Variants in BICC1 observed in about 807,000 individuals in gnomAD.
BICC1 encodes protein bicaudal C homolog 1.
A neutral mutation model predicts 111.0 loss-of-function variants in BICC1; 43 were observed. That is an observed-to-expected ratio of 0.39 (90% confidence interval 0.30 to 0.50). The LOEUF (loss-of-function observed/expected upper bound fraction) is 0.50. BICC1 is among the 20% of genes least tolerant of loss of function. The pLI is 0.88. For synonymous variants in BICC1, 467 were observed against 434.4 expected, an observed-to-expected ratio of 1.07 and a Z score of -0.93; for missense variants, 1,091 against 1,203.2, an observed-to-expected ratio of 0.91 and a Z score of 1.38.
intron 3 of BICC1, among the ~76,000 whole-genome samples, chr10:58,715,314 T>G (rs7897108): frequency 1 from 151,943 of 152,334 alleles, 75,777 homozygotes; most frequent in Middle Eastern, 1. Context: ...GAAATAAAAA[T>G]AAAATGAGAA....
At chr10:58,517,839 G>A (rs1842282661) in intron 1 of BICC1, among the ~76,000 whole-genome samples, 1 of 152,154 alleles carries the variant, frequency 6.6e-6, no homozygotes, top group African/African-American at 2.4e-5. Context: ...TGGCAACATA[G>A]GAAGTGCTGA....
intron 17 of BICC1, among the ~76,000 whole-genome samples, chr10:58,809,970 C>T (rs748761377): frequency 6.6e-5 from 10 of 152,194 alleles, no homozygotes; most frequent in Non-Finnish European, 8.8e-5. Flanking sequence ...ATAAGAATCA[C>T]TCGGAGAGCT....
intron 3 of BICC1, among the ~76,000 whole-genome samples, chr10:58,749,923 A>G (rs904164844): frequency 2.0e-5 from 3 of 152,312 alleles, no homozygotes; most frequent in African/African-American, 7.2e-5. Context: ...ATAAGTTTTG[A>G]AACATGGATG....
chr10:58,652,540 A>C (rs2132255465), intron 2 of BICC1, among the ~76,000 whole-genome samples: 1 of 152,300 alleles, frequency 6.6e-6, no homozygotes, highest in African/African-American at 2.4e-5. Context: ...GGTAAGTTTT[A>C]AAATACCCAT....
chr10:58,660,133 G>A (rs1838793234), intron 2 of BICC1, among the ~76,000 whole-genome samples: 2 of 152,266 alleles, frequency 1.3e-5, no homozygotes, highest in South Asian at 2.1e-4. Context: ...AGAAGGTGCT[G>A]CAGTGAGCCA....
intron 3 of BICC1, among the ~76,000 whole-genome samples, chr10:58,752,436 G>C (rs1382098755): frequency 6.6e-6 from 1 of 152,158 alleles, no homozygotes; most frequent in Non-Finnish European, 1.5e-5. Context: ...CCTACTGTCT[G>C]TCTGGGGCTG....
chr10:58,828,053 TATAAC>T (rs1444118462), intron 20 of BICC1, among the ~76,000 whole-genome samples: 1 of 152,238 alleles, frequency 6.6e-6, no homozygotes. Context: ...ATAAAATACA[TATAAC>T]ATACAGAACA....
At chr10:58,557,506 A>T (rs918778825) in intron 1 of BICC1, among the ~76,000 whole-genome samples, 5 of 151,872 alleles carry the variant, frequency 3.3e-5, no homozygotes, top group Admixed American at 6.6e-5. Flanking sequence ...CGACTGCTTG[A>T]TGTTGTTCCA....
rs1564636332 is a variant in BICC1, at chr10:58,828,901, CT to C, written c.*12del. On this transcript the variant is annotated 3_prime_UTR_variant, in exon 21 of 21. Coordinates refer to ENST00000373886, the MANE Select transcript of BICC1 (RefSeq NM_001080512.3). ...CAGTGGCCGCTGGTAGCAGCACCCT[CT>C]TGGCACATGCCCGCTGACTAACTGT... 1.2e-6 allele frequency: 2 copies of C among 1,613,610 alleles called. No homozygotes were observed. The highest frequency in any genetic ancestry group is 1.7e-6 in the Non-Finnish European group (2 of 1,179,680).
chr10:58,664,409 A>G (rs749493889), intron 2 of BICC1, among the ~76,000 whole-genome samples: 13 of 152,182 alleles, frequency 8.5e-5, no homozygotes, highest in Non-Finnish European at 1.5e-4. Context: ...AAAAGCATTA[A>G]GAGTTCTGGA....
At chr10:58,817,996 A>T in intron 19 of BICC1, among the ~76,000 whole-genome samples, 1 of 152,178 alleles carries the variant, frequency 6.6e-6, no homozygotes. Context: ...CGATATATAG[A>T]TTCCTAGGAA....
intron 1 of BICC1, among the ~76,000 whole-genome samples, chr10:58,594,491 A>T (rs1389244269): frequency 6.6e-6 from 1 of 152,154 alleles, no homozygotes; most frequent in Non-Finnish European, 1.5e-5. Context: ...TCAGGCTACC[A>T]ACAAAGGGAA....
chr10:58,822,529 TC>T (rs1844282666), intron 20 of BICC1, among the ~76,000 whole-genome samples: 1 of 152,112 alleles, frequency 6.6e-6, no homozygotes, highest in Non-Finnish European at 1.5e-5. Context: ...TTTGCAGACT[TC>T]CTCTCTCAGT....
In BICC1 at chr10:58,687,579, C is replaced by T. The variant is rs140460565; in HGVS notation, c.238-14495C>T. ...CAAGCCTCAGCAATGGTAGACACCCCTTCCCCAGCCTCGCTGCCACCTTGC... is the reference window on the plus strand; with the variant it reads ...CAAGCCTCAGCAATGGTAGACACCCTTTCCCCAGCCTCGCTGCCACCTTGC... On this transcript the variant is annotated intron_variant, in intron 2 of 20. Transcript: ENST00000373886. Among the ~76,000 whole-genome samples the T allele has an allele frequency of 7.7e-3, 1,174 of 152,298 alleles. 18 individuals carry two copies. Among genetic ancestry groups the T allele is most frequent in the African/African-American group, 0.026 (1,094 of 41,574 alleles).
chr10:58,786,094 C>T (rs745977540), intron 4 of BICC1, among the ~76,000 whole-genome samples: 29 of 152,048 alleles, frequency 1.9e-4, no homozygotes, highest in Non-Finnish European at 3.8e-4. Context: ...TAAGAATTCA[C>T]AAGGTATAAA....
intron 1 of BICC1, among the ~76,000 whole-genome samples, chr10:58,575,704 G>A (rs189288703): frequency 7.9e-5 from 12 of 152,066 alleles, no homozygotes; most frequent in African/African-American, 2.9e-4. Flanking sequence ...GTCTGTAAGT[G>A]TGTGCCACTG....
chr10:58,606,926 A>G (rs1204145940), intron 1 of BICC1, among the ~76,000 whole-genome samples: 1 of 152,098 alleles, frequency 6.6e-6, no homozygotes, highest in African/African-American at 2.4e-5. Context: ...ATTTCCTCCT[A>G]TATTTTATGT....
intron 1 of BICC1, among the ~76,000 whole-genome samples, chr10:58,601,156 A>ATATATAT (rs1013493995): frequency 1.5e-5 from 2 of 137,314 alleles, no homozygotes; most frequent in African/African-American, 5.2e-5. Flanking sequence ...ATATATATAT[A>ATATATAT]TATATATATA....
intron 1 of BICC1, among the ~76,000 whole-genome samples, chr10:58,612,206 T>C (rs967481833): frequency 6.6e-6 from 1 of 152,248 alleles, no homozygotes; most frequent in Non-Finnish European, 1.5e-5. Context: ...ACTTTAAGAA[T>C]GAACCTAATG....
Sources: gnomAD v4.1 joint callset for allele counts (sites outside exome capture counted in the v4.1 genomes callset) on GRCh38, gnomAD v4.1.1 for gene constraint, MANE v1.5 for transcripts, NCBI Gene and HGNC (gene_info 2026-07-23, HGNC 2026-07-21) for gene names.